ZNF207: variants seen among roughly 807,000 people sequenced by gnomAD.
The protein encoded by ZNF207 is BUB3-interacting and GLEBS motif-containing protein ZNF207.
ZNF207 carries 24 observed loss-of-function variants against 60.2 expected under a neutral mutation model. That is an observed-to-expected ratio of 0.40 (90% CI 0.29 to 0.56). ZNF207 has a LOEUF of 0.56. ZNF207 is among the 20% of genes least tolerant of loss of function. The probability of loss-of-function intolerance (pLI) is 0.49; values close to 1 mark genes in which losing one functional copy is unlikely to be tolerated. For synonymous variants in ZNF207, 236 were observed against 194.7 expected (o/e 1.21, Z -1.77); for missense variants, 452 against 636.6 (o/e 0.71, Z 3.12).
chr17:32,361,189 C>G, intron 5 of ZNF207: 1 of 593,698 alleles, frequency 1.7e-6, no homozygotes, highest in South Asian at 2.3e-5. Context: ...AAGCAACCAT[C>G]TACTTCAATT....
intron 2 of ZNF207, among the ~76,000 whole-genome samples, chr17:32,357,351 A>ATTTTTTTTTT (rs1164011891): frequency 1.5e-4 from 11 of 73,996 alleles, no homozygotes; most frequent in African/African-American, 6.2e-4. Flanking sequence ...TATTATTATT[A>ATTTTTTTTTT]TTTTTTTTTT....
Position 32,351,803 on chromosome 17 carries a change from TTGA to T in ZNF207, c.66_68del (p.Asp22del). Reference sequence around the variant, plus strand: ...TTGATCAGGTATTGTAATAGAGATTTTGATGATGAGAAGATCCTTATTCAGCAC... The same window carrying T: ...TTGATCAGGTATTGTAATAGAGATTTTGATGAGAAGATCCTTATTCAGCAC... On this transcript the variant is annotated inframe_deletion, in exon 2 of 12. Coordinates refer to ENST00000394670, the MANE Select transcript of ZNF207 (RefSeq NM_001098507.2). The T allele has an allele frequency of 6.2e-7, 1 of 1,610,460 alleles. No individual in the cohort carries two copies. The highest frequency in any genetic ancestry group is 8.5e-7 in the Non-Finnish European group (1 of 1,178,056).
chr17:32,366,584 C>A, intron 8 of ZNF207, 81 bp from the exon 9 acceptor site: 1 of 1,123,196 alleles, frequency 8.9e-7, no homozygotes, highest in Non-Finnish European at 1.2e-6. Flanking sequence ...AATATGCAAT[C>A]TACTAAAAAG....
At position 32,375,753 on chromosome 17, in the gene ZNF207, A is replaced by T. The variant is rs1597801964; in HGVS notation, c.*5994A>T. Reference sequence around the variant, plus strand: ...TTTAAAAGGTTGTCATTATTGACCTAATATTGAGTAATCTTTCTGCGTTAT... The same window carrying T: ...TTTAAAAGGTTGTCATTATTGACCTTATATTGAGTAATCTTTCTGCGTTAT... On this transcript the variant is annotated 3_prime_UTR_variant, in exon 12 of 12. Coordinates refer to ENST00000394670, the MANE Select transcript of ZNF207 (RefSeq NM_001098507.2). The T allele has an allele frequency of 6.6e-6, 1 of 152,144 alleles. No homozygotes were observed. The highest frequency in any genetic ancestry group is 1.5e-5 in the Non-Finnish European group (1 of 67,972). The allele number at this position is 152,144 out of a possible 1,614,324, so 9.4% of individuals were successfully genotyped here.
intron 6 of ZNF207, among the ~76,000 whole-genome samples, chr17:32,362,357 T>C (rs1261675210): frequency 6.6e-6 from 1 of 152,212 alleles, no homozygotes; most frequent in Admixed American, 6.5e-5. Flanking sequence ...AAAGTTATGG[T>C]CTCACTTTTT....
chr17:32,354,074 C>G (rs1376563832), intron 2 of ZNF207, among the ~76,000 whole-genome samples: 1 of 151,992 alleles, frequency 6.6e-6, no homozygotes, highest in African/African-American at 2.4e-5. Flanking sequence ...CTCCCTTACT[C>G]AAATGATCCT....
rs1205872134 is a variant in ZNF207 at position 32,379,985 on chromosome 17, AAC to A, written c.*10228_*10229del. Reference sequence around the variant, plus strand: ...CTGTGATCTTTCTGAACCAATAATAAACAGTCAACTGTGATGCTTTTTAGTAT... The same window carrying A: ...CTGTGATCTTTCTGAACCAATAATAAAGTCAACTGTGATGCTTTTTAGTAT... On this transcript the variant is annotated 3_prime_UTR_variant, in exon 12 of 12. Coordinates refer to ENST00000394670, the MANE Select transcript of ZNF207 (RefSeq NM_001098507.2). 1.3e-5 allele frequency: 2 copies of A among 152,222 alleles called. No individual in the cohort carries two copies. The highest frequency in any genetic ancestry group is 2.9e-5 in the Non-Finnish European group (2 of 68,026). 9.4% of individuals were successfully genotyped at this position (152,222 alleles called of 1,614,324 possible).
chr17:32,364,385 T>C (rs1905062488), intron 7 of ZNF207, among the ~76,000 whole-genome samples: 1 of 137,964 alleles, frequency 7.2e-6, no homozygotes, highest in African/African-American at 2.7e-5. Context: ...TGAGATGGAG[T>C]TTTGCTCTGT....
chr17:32,353,683 AGGGCTGG>A (rs1464685950), intron 2 of ZNF207, among the ~76,000 whole-genome samples: 5 of 1,418 alleles, frequency 3.5e-3, no homozygotes, highest in Non-Finnish European at 5.8e-3. Flanking sequence ...GGGCGGGGGG[AGGGCTGG>A]GGGCGGGGGG....
intron 5 of ZNF207, 23 bp from the exon 6 acceptor site, chr17:32,361,445 G>T: frequency 1.3e-6 from 2 of 1,598,562 alleles, no homozygotes; most frequent in South Asian, 1.1e-5. Flanking sequence ...GTTAGATTTT[G>T]ATTTTGTCAT....
intron 2 of ZNF207, among the ~76,000 whole-genome samples, chr17:32,357,784 C>T (rs551240323): frequency 3.9e-5 from 6 of 152,042 alleles, no homozygotes; most frequent in African/African-American, 1.4e-4. Context: ...TATGGGTGTG[C>T]ACCACCACGC....
chr17:32,367,282 T>TAAATAA (rs1555608395), intron 9 of ZNF207, among the ~76,000 whole-genome samples: 1 of 82,862 alleles, frequency 1.2e-5, no homozygotes, highest in Admixed American at 1.3e-4. Flanking sequence ...TATATATATA[T>TAAATAA]ATAAAGAATA....
intron 11 of ZNF207, 47 bp downstream of exon 11, chr17:32,369,501 C>A: frequency 6.2e-7 from 1 of 1,605,534 alleles, no homozygotes; most frequent in Non-Finnish European, 8.5e-7. Flanking sequence ...TTTCTAAGTT[C>A]ACGCATAAAA....
At position 32,370,302 on chromosome 17, in the gene ZNF207, C is replaced by T. The variant is rs978360053; in HGVS notation, c.*543C>T. On this transcript the variant is annotated 3_prime_UTR_variant, in exon 12 of 12. Coordinates refer to ENST00000394670, the MANE Select transcript of ZNF207 (RefSeq NM_001098507.2). The stretch of plus-strand genomic sequence containing the variant: ...GACCCACCAAGGTCATGTGACTTTT[C>T]TGTACTGTTAAACTTCATTGTAATA... 6 of 152,656 alleles carry T rather than the reference C, an allele frequency of 3.9e-5. No homozygotes were observed. The highest frequency in any genetic ancestry group is 3.9e-4 in the Admixed American group (6 of 15,274). 9.5% of individuals were successfully genotyped at this position (152,656 alleles called of 1,614,324 possible). A position where few individuals can be genotyped will look rare whatever the true frequency, so the allele number is the denominator to read the frequency against.
chr17:32,373,014 A>G lies in ZNF207; in HGVS notation c.*3255A>G, dbSNP rs1267226877. The G allele has an allele frequency of 6.3e-6, 1 of 159,912 alleles. No individual in the cohort carries two copies. The allele number at this position is 159,912 out of a possible 1,614,324, so 9.9% of individuals were successfully genotyped here. ...ACTAGTTTCTGTTGTATAAGTTTTCATACTGTTTAACAAGACCACAGCAGG... is the reference window on the plus strand; with the variant it reads ...ACTAGTTTCTGTTGTATAAGTTTTCGTACTGTTTAACAAGACCACAGCAGG... On this transcript the variant is annotated 3_prime_UTR_variant, in exon 12 of 12. Coordinates refer to ENST00000394670, the MANE Select transcript of ZNF207 (RefSeq NM_001098507.2).
intron 2 of ZNF207, among the ~76,000 whole-genome samples, chr17:32,357,750 C>T (rs1567816217): frequency 6.6e-6 from 1 of 152,022 alleles, no homozygotes; most frequent in Non-Finnish European, 1.5e-5. Context: ...ATTCTCATGC[C>T]TCAGCCTGTC....
Position 32,369,702 on chromosome 17 carries a change from T to C in ZNF207, c.1428T>C (p.Pro476=). Residue 476 remains proline (P), a synonymous_variant, in exon 12 of 12, where the codon CCT becomes CCC. Coordinates refer to ENST00000394670, the MANE Select transcript of ZNF207 (RefSeq NM_001098507.2). Reference sequence around the variant, plus strand: ...TGGTGCCCCCTTACCAGGGTGGGCCTCCTCGACCTCCGATGGGAATGAGAC... The same window carrying C: ...TGGTGCCCCCTTACCAGGGTGGGCCCCCTCGACCTCCGATGGGAATGAGAC... ...PPMVPPYQGG[P]PRPPMGMRPP... is the part of the protein sequence containing the mutation. 1 of 1,592,976 alleles carries C rather than the reference T, an allele frequency of 6.3e-7. No homozygotes were observed.
Position 32,374,212 on chromosome 17 carries a change from C to CTTTTTTT in ZNF207, c.*4472_*4478dup, listed in dbSNP as rs1167849855. ...ACCGCGCCTGGCCAAAATCTGCATT[C>CTTTTTTT]TTTTTTTTTTTTTTTTTTTTTTTTT... On this transcript the variant is annotated 3_prime_UTR_variant, in exon 12 of 12. Transcript: ENST00000394670. 4 of 66,222 alleles carry CTTTTTTT rather than the reference C, an allele frequency of 6.0e-5. 1 individual carries two copies. The highest frequency in any genetic ancestry group is 1.1e-4 in the African/African-American group (2 of 17,992). The allele number at this position is 66,222 out of a possible 1,614,324, so 4.1% of individuals were successfully genotyped here. A position where few individuals can be genotyped will look rare whatever the true frequency, so the allele number is the denominator to read the frequency against.
At chr17:32,365,021 G>A (rs1344357510) in intron 7 of ZNF207, among the ~76,000 whole-genome samples, 1 of 152,186 alleles carries the variant, frequency 6.6e-6, no homozygotes, top group Non-Finnish European at 1.5e-5. Context: ...CTGTCTTGTA[G>A]CTGATTGAAA....
Sources: gnomAD v4.1 joint callset for allele counts (sites outside exome capture counted in the v4.1 genomes callset) on GRCh38, gnomAD v4.1.1 for gene constraint, MANE v1.5 for transcripts, NCBI Gene and HGNC (gene_info 2026-07-23, HGNC 2026-07-21) for gene names.